The following PLXNA4 variants were observed in gnomAD, a reference collection of about 807,000 sequenced individuals.
PLXNA4 encodes the protein plexin-A4.
In PLXNA4, 44 loss-of-function variants were observed where a neutral mutation model predicts 191.8. The observed-to-expected ratio is 0.23, with a 90% CI of 0.18 to 0.29. PLXNA4 has a LOEUF of 0.29. PLXNA4 is among the 10% of genes least tolerant of loss of function. The pLI, the probability that PLXNA4 is intolerant of heterozygous loss-of-function variation, is 1.00. For missense variants in PLXNA4, 1,800 were observed against 2,488.8 expected, an observed-to-expected ratio of 0.72 and a Z score of 5.89; for synonymous variants, 1,082 against 1,009.5, an observed-to-expected ratio of 1.07 and a Z score of -1.36.
At chr7:132,427,295 G>A (rs1249031716) in intron 3 of PLXNA4, among the ~76,000 whole-genome samples, 1 of 152,224 alleles carries the variant, frequency 6.6e-6, no homozygotes, top group Non-Finnish European at 1.5e-5. Context: ...GGATTGGAGT[G>A]CAGGGCTGGA....
At chr7:132,364,414 T>C (rs549101091) in intron 3 of PLXNA4, among the ~76,000 whole-genome samples, 1 of 152,318 alleles carries the variant, frequency 6.6e-6, no homozygotes, top group African/African-American at 2.4e-5. Flanking sequence ...TTAGACTCCT[T>C]GTCCTCTCTG....
intron 3 of PLXNA4, among the ~76,000 whole-genome samples, chr7:132,412,882 G>C (rs150300001): frequency 3.8e-4 from 58 of 152,290 alleles, no homozygotes; most frequent in African/African-American, 1.4e-3. Context: ...CGCTGGCCAA[G>C]CTTTGGAGGG....
intron 3 of PLXNA4, among the ~76,000 whole-genome samples, chr7:132,340,905 A>G (rs183317588): frequency 4.6e-5 from 7 of 152,126 alleles, no homozygotes; most frequent in Admixed American, 2.0e-4. Flanking sequence ...CTTGAACTCA[A>G]CATCCTCAGG....
At chr7:132,313,402 G>C (rs1801822767) in intron 3 of PLXNA4, among the ~76,000 whole-genome samples, 1 of 152,138 alleles carries the variant, frequency 6.6e-6, no homozygotes, top group African/African-American at 2.4e-5. Flanking sequence ...GAGACTAAAA[G>C]TAGGGTGACA....
At chr7:132,144,594 C>T (rs899151169) in intron 29 of PLXNA4, among the ~76,000 whole-genome samples, 1 of 152,162 alleles carries the variant, frequency 6.6e-6, no homozygotes, top group Non-Finnish European at 1.5e-5. Context: ...AAGTGTGTTT[C>T]AAAACTGCTT....
chr7:132,207,693 C>T (rs748135488), intron 10 of PLXNA4, among the ~76,000 whole-genome samples: 37 of 152,232 alleles, frequency 2.4e-4, no homozygotes, highest in Admixed American at 1.2e-3. Context: ...CAATTTATCA[C>T]CCACCTCCTT....
intron 3 of PLXNA4, among the ~76,000 whole-genome samples, chr7:132,425,090 T>C (rs915481569): frequency 2.0e-5 from 3 of 152,174 alleles, no homozygotes; most frequent in Admixed American, 2.0e-4. Context: ...TCCTGGACCC[T>C]CCGCACTGCC....
At chr7:132,583,331 A>G (rs1198688794) in intron 2 of PLXNA4, among the ~76,000 whole-genome samples, 4 of 152,204 alleles carry the variant, frequency 2.6e-5, no homozygotes, top group Admixed American at 2.6e-4. Context: ...GGGAGGCCCA[A>G]GGATGCTTCC....
At chr7:132,454,276 G>A (rs569056016) in intron 3 of PLXNA4, among the ~76,000 whole-genome samples, 7 of 152,162 alleles carry the variant, frequency 4.6e-5, no homozygotes, top group East Asian at 3.9e-4. Flanking sequence ...TCAAGGCCAC[G>A]TGACTCTTAA....
chr7:132,409,968 A>G (rs935237397), intron 3 of PLXNA4, among the ~76,000 whole-genome samples: 2 of 152,158 alleles, frequency 1.3e-5, no homozygotes, highest in African/African-American at 4.8e-5. Context: ...TTGAAGTTTA[A>G]ATATTTTGAA....
At chr7:132,584,263 T>C (rs934315602) in intron 2 of PLXNA4, among the ~76,000 whole-genome samples, 1 of 152,236 alleles carries the variant, frequency 6.6e-6, no homozygotes, top group Admixed American at 6.5e-5. Flanking sequence ...TTCTATTAAC[T>C]GTTCTTTCCA....
chr7:132,188,475 T>C (rs1454187393), intron 14 of PLXNA4, among the ~76,000 whole-genome samples: 1 of 152,146 alleles, frequency 6.6e-6, no homozygotes, highest in Non-Finnish European at 1.5e-5. Flanking sequence ...CTCAGTTCCT[T>C]GGAGCAGGCT....
At chr7:132,292,289 G>C (rs1800922481) in intron 4 of PLXNA4, among the ~76,000 whole-genome samples, 1 of 152,178 alleles carries the variant, frequency 6.6e-6, no homozygotes, top group African/African-American at 2.4e-5. Context: ...GGAGGCTGGA[G>C]GTGGCAGAGA....
rs1406758382 is a variant in PLXNA4, at chr7:132,508,677, C to T, written c.17G>A (p.Trp6Ter). The T allele has an allele frequency of 6.5e-7, 1 of 1,530,264 alleles. No homozygotes were observed. 94.8% of individuals were successfully genotyped at this position (1,530,264 alleles called of 1,614,324 possible). Reference sequence around the variant, plus strand: ...GTGGGAGAGAAGGCAGGTCCAGTTCCAGGGCATGGCTTTCATGGCAGAGGC... The same window carrying T: ...GTGGGAGAGAAGGCAGGTCCAGTTCTAGGGCATGGCTTTCATGGCAGAGGC... The part of the protein sequence containing the change: MKAMP[W>*]NWTCLLSHLL... The change falls in exon 2 of 32, where the codon TGG becomes TAG. Residue 6 changes from tryptophan to a stop codon, truncating the protein, a stop_gained. Coordinates refer to ENST00000321063, the MANE Select transcript of PLXNA4 (RefSeq NM_020911.2). LOFTEE classifies it high-confidence loss of function. The surrounding 1 kb of genome is among the most constrained non-coding windows in gnomAD (Gnocchi z 4.4).
chr7:132,544,796 T>C (rs1199699395), intron 1 of PLXNA4, among the ~76,000 whole-genome samples: 4 of 152,174 alleles, frequency 2.6e-5, no homozygotes, highest in Admixed American at 1.3e-4. Flanking sequence ...CAAAAGTAGG[T>C]ACCTGTAAAA....
chr7:132,145,389 C>T, intron 28 of PLXNA4, 101 bp from the exon 29 acceptor site: 7 of 1,524,138 alleles, frequency 4.6e-6, no homozygotes, highest in Middle Eastern at 3.5e-4. Flanking sequence ...GGATGGTATA[C>T]AGCCCACCCT....
chr7:132,132,435 C>CTGTTGTTCTGTTCTGT (rs1369333362), intron 31 of PLXNA4, among the ~76,000 whole-genome samples: 1 of 76,022 alleles, frequency 1.3e-5, no homozygotes, highest in African/African-American at 5.0e-5. Flanking sequence ...CTGTTCTGTT[C>CTGTTGTTCTGTTCTGT]TGTTCTGTTC....
At chr7:132,275,613 T>C (rs1408293906) in intron 4 of PLXNA4, among the ~76,000 whole-genome samples, 5 of 152,140 alleles carry the variant, frequency 3.3e-5, no homozygotes, top group Non-Finnish European at 7.3e-5. Context: ...TGCTGTTTTA[T>C]CACAGAGAAA....
At chr7:132,503,952 G>A (rs191964921) in intron 2 of PLXNA4, among the ~76,000 whole-genome samples, 105 of 152,336 alleles carry the variant, frequency 6.9e-4, no homozygotes, top group African/African-American at 2.2e-3. Flanking sequence ...GGGTGAAGGC[G>A]GAAGCTGCTG....
Sources: gnomAD v4.1 joint callset for allele counts (sites outside exome capture counted in the v4.1 genomes callset) on GRCh38, gnomAD v4.1.1 for gene constraint, Gnocchi (gnomAD v3.1) non-coding constraint, MANE v1.5 for transcripts, NCBI Gene and HGNC (gene_info 2026-07-23, HGNC 2026-07-21) for gene names.